The following FYN variants were observed in gnomAD, a reference collection of about 807,000 sequenced individuals.
FYN encodes the protein FYN proto-oncogene, Src family tyrosine kinase, also known as tyrosine-protein kinase Fyn.
In FYN, 10 loss-of-function variants were observed where a neutral mutation model predicts 70.2. The observed-to-expected ratio is 0.14, with a 90% confidence interval of 0.09 to 0.24. The LOEUF is 0.24. Among genes scored for constraint, FYN ranks in the 10% least tolerant of loss-of-function variants. The pLI is 1.00. For synonymous variants in FYN, 236 were observed against 248.6 expected, an observed-to-expected ratio of 0.95 and a Z score of 0.48; for missense variants, 319 against 673.1, an observed-to-expected ratio of 0.47 and a Z score of 5.82.
At chr6:111,863,585 C>T (rs1163612275) in intron 1 of FYN, among the ~76,000 whole-genome samples, 1 of 152,126 alleles carries the variant, frequency 6.6e-6, no homozygotes, top group Non-Finnish European at 1.5e-5. Flanking sequence ...AGATCTGGCT[C>T]ATTTTTAATT....
At chr6:111,766,231 C>T (rs1314465341) in intron 3 of FYN, among the ~76,000 whole-genome samples, 1 of 152,142 alleles carries the variant, frequency 6.6e-6, no homozygotes, top group Non-Finnish European at 1.5e-5. Context: ...GCCCAAGACC[C>T]CACAGCTGGT....
At chr6:111,700,029 T>C in intron 9 of FYN, 75 bp downstream of exon 9, 1 of 1,386,930 alleles carries the variant, frequency 7.2e-7, no homozygotes, top group Non-Finnish European at 1.0e-6. Flanking sequence ...AGTCTTTATT[T>C]TCACCTTCCA....
At position 111,696,689 on chromosome 6, in the gene FYN, A is replaced by C. The variant is rs115134999; in HGVS notation, c.863-233T>G. ...ATATTAAGATTTATAACTCATTAAA[A>C]TTTTTTTAAATTTTGATATATTACC... On this transcript the variant is annotated intron_variant, in intron 9 of 13. Transcript: ENST00000354650. 965 of 380,826 alleles carry C rather than the reference A, an allele frequency of 2.5e-3. 9 individuals are homozygous for C. The highest frequency in any genetic ancestry group is 0.019 in the African/African-American group (908 of 47,924). 23.6% of individuals were successfully genotyped at this position (380,826 alleles called of 1,614,324 possible). A position where few individuals can be genotyped will look rare whatever the true frequency, so the allele number is the denominator to read the frequency against.
At chr6:111,871,857 C>A (rs1774283901) in intron 1 of FYN, among the ~76,000 whole-genome samples, 1 of 152,210 alleles carries the variant, frequency 6.6e-6, no homozygotes, top group African/African-American at 2.4e-5. Context: ...GTCAACACTA[C>A]CGGTCTCTGA....
chr6:111,700,216 C>T lies in FYN; in HGVS notation c.750G>A (p.Met250Ile). Residue 250 changes from methionine (M) to isoleucine (I), a missense_variant, in exon 9 of 14, where the codon ATG (methionine) becomes ATA (isoleucine). By Grantham distance (10) the Met-to-Ile change is conservative. Transcript: ENST00000354650. ...TGACAGACAGATCGGTAAGCCTTGG[C>T]ATCCCTTTGTGACAGGGAACTACTA... is the stretch of plus-strand genomic sequence containing the variant. ...CRLVVPCHKGMPRLTDLSVKT... is the reference protein window; with the variant it reads ...CRLVVPCHKGIPRLTDLSVKT... The T allele has an allele frequency of 6.2e-7, 1 of 1,614,130 alleles. No individual in the cohort carries two copies. The highest frequency in any genetic ancestry group is 8.5e-7 in the Non-Finnish European group (1 of 1,179,992).
intron 4 of FYN, among the ~76,000 whole-genome samples, chr6:111,717,340 G>A (rs1800696493): frequency 6.6e-6 from 1 of 151,986 alleles, no homozygotes; most frequent in Non-Finnish European, 1.5e-5. Flanking sequence ...GCTAAGTTTT[G>A]TGGCAATTTG....
intron 2 of FYN, among the ~76,000 whole-genome samples, chr6:111,837,550 T>C (rs1047068230): frequency 1.3e-5 from 2 of 152,180 alleles, no homozygotes; most frequent in African/African-American, 4.8e-5. Flanking sequence ...TGGGAGTTAG[T>C]CCATCCATGG....
At chr6:111,677,527 G>A (rs1483657016) in intron 12 of FYN, among the ~76,000 whole-genome samples, 1 of 152,188 alleles carries the variant, frequency 6.6e-6, no homozygotes, top group Non-Finnish European at 1.5e-5. Context: ...AGCCTTGCAG[G>A]TTGCACAGTG....
chr6:111,848,330 C>T (rs151020059), intron 1 of FYN, among the ~76,000 whole-genome samples: 15 of 152,232 alleles, frequency 9.9e-5, no homozygotes, highest in African/African-American at 3.4e-4. Flanking sequence ...ACTTTAATAC[C>T]CTTCTTTCAA....
At chr6:111,843,980 C>T (rs1046733349) in intron 2 of FYN, among the ~76,000 whole-genome samples, 1 of 152,100 alleles carries the variant, frequency 6.6e-6, no homozygotes, top group Non-Finnish European at 1.5e-5. Flanking sequence ...GGCACACAAA[C>T]ATATTGTCTC....
At chr6:111,678,239 C>T (rs151309972) in intron 12 of FYN, among the ~76,000 whole-genome samples, 50 of 151,588 alleles carry the variant, frequency 3.3e-4, no homozygotes, top group African/African-American at 1.1e-3. Flanking sequence ...AACTCATTGC[C>T]GAAACCTCGA....
At chr6:111,844,893 G>C (rs1314946593) in intron 2 of FYN, 2 of 152,208 alleles carry the variant, frequency 1.3e-5, no homozygotes, top group Admixed American at 6.5e-5. Flanking sequence ...ATTTAAAAGC[G>C]AGTAATTTTA....
chr6:111,733,026 A>C (rs1333118162), intron 3 of FYN, among the ~76,000 whole-genome samples: 1 of 152,178 alleles, frequency 6.6e-6, no homozygotes, highest in African/African-American at 2.4e-5. Flanking sequence ...GTCTGCAGCA[A>C]CACACGGAGG....
chr6:111,747,260 T>G (rs1240621077), intron 3 of FYN, among the ~76,000 whole-genome samples: 1 of 152,128 alleles, frequency 6.6e-6, no homozygotes, highest in East Asian at 1.9e-4. Flanking sequence ...TGGTGTGATT[T>G]TTGTTATATT....
At chr6:111,683,365 A>T (rs1164957695) in intron 12 of FYN, among the ~76,000 whole-genome samples, 1 of 152,242 alleles carries the variant, frequency 6.6e-6, no homozygotes, top group Non-Finnish European at 1.5e-5. Flanking sequence ...GGGTGGGCCC[A>T]GCTCACATCT....
chr6:111,675,834 T>TAAATAAAATA (rs1014036984), intron 12 of FYN, among the ~76,000 whole-genome samples: 6 of 150,598 alleles, frequency 4.0e-5, no homozygotes, highest in African/African-American at 1.5e-4. Flanking sequence ...AATAAATAAA[T>TAAATAAAATA]AAATAAAATA....
At chr6:111,749,682 T>C (rs1486185212) in intron 3 of FYN, among the ~76,000 whole-genome samples, 3 of 152,238 alleles carry the variant, frequency 2.0e-5, no homozygotes, top group Admixed American at 1.3e-4. Flanking sequence ...TGCATGATTG[T>C]AGAGTTTCTC....
At chr6:111,749,947 A>C (rs1347873776) in intron 3 of FYN, among the ~76,000 whole-genome samples, 1 of 152,084 alleles carries the variant, frequency 6.6e-6, no homozygotes, top group Non-Finnish European at 1.5e-5. Flanking sequence ...AAAAAAAAAA[A>C]ATCCCATAAT....
intron 3 of FYN, among the ~76,000 whole-genome samples, chr6:111,761,528 G>A (rs971921802): frequency 1.3e-5 from 2 of 152,212 alleles, no homozygotes; most frequent in African/African-American, 4.8e-5. Context: ...AAATCAGTAG[G>A]AAAGGTTGTT....
Sources: allele counts gnomAD v4.1 joint callset (sites outside exome capture counted in the v4.1 genomes callset), GRCh38; gene constraint gnomAD v4.1.1; transcripts MANE v1.5; gene names NCBI Gene and HGNC (gene_info 2026-07-23, HGNC 2026-07-21).